The following MCTP2 variants were observed in gnomAD, a reference collection of about 807,000 sequenced individuals.
MCTP2 encodes the protein multiple C2 and transmembrane domain containing 2.
Under a neutral mutation model 111.6 loss-of-function variants are expected in MCTP2, and 132 were observed. The observed-to-expected ratio is 1.18, with a 90% CI of 1.03 to 1.37. The LOEUF (loss-of-function observed/expected upper bound fraction) is 1.37, where lower values mean the gene tolerates loss of function less well. Ranked by LOEUF, MCTP2 falls within the 40% of genes most tolerant of loss-of-function variation. The probability of loss-of-function intolerance (pLI) is 0.00; values close to 1 mark genes in which losing one functional copy is unlikely to be tolerated. For missense variants in MCTP2, 1,183 were observed against 1,067.9 expected, an observed-to-expected ratio of 1.11 and a Z score of -1.50; for synonymous variants, 395 against 387.7, an observed-to-expected ratio of 1.02 and a Z score of -0.22.
In MCTP2 at chr15:94,337,690, C is replaced by CGT. The variant is rs1567459593; in HGVS notation, c.638-1599_638-1598insTG. Among the ~76,000 whole-genome samples, 25 of 151,442 alleles carry CGT rather than the reference C, an allele frequency of 1.7e-4. 1 individual carries two copies. The East Asian group carries it at 3.3e-3, about 20-fold the overall frequency. On this transcript the variant is annotated intron_variant, in intron 4 of 22. Transcript: ENST00000357742. ...CGGTGTGTGTGTGTGTGTGTGCGCG[C>CGT]GCATGCACGCGCGTGTGCATGCCCA...
At chr15:94,337,926 T>G (rs1222092652) in intron 4 of MCTP2, among the ~76,000 whole-genome samples, 1 of 152,206 alleles carries the variant, frequency 6.6e-6, no homozygotes, top group African/African-American at 2.4e-5. Flanking sequence ...TTCGTAGTGA[T>G]GTTAATGTCA....
At chr15:94,415,535 G>T (rs577099743) in intron 17 of MCTP2, among the ~76,000 whole-genome samples, 1 of 151,948 alleles carries the variant, frequency 6.6e-6, no homozygotes, top group Non-Finnish European at 1.5e-5. Flanking sequence ...TAATCCTTTC[G>T]CAGTGCCATA....
intron 17 of MCTP2, among the ~76,000 whole-genome samples, chr15:94,424,568 TCTA>T (rs1485460314): frequency 6.6e-6 from 1 of 152,180 alleles, no homozygotes; most frequent in Non-Finnish European, 1.5e-5. Flanking sequence ...AAGTTTGAGA[TCTA>T]CTGCTCTAGG....
chr15:94,424,315 T>A (rs1596662882), intron 17 of MCTP2, among the ~76,000 whole-genome samples: 1 of 152,062 alleles, frequency 6.6e-6, no homozygotes, highest in Non-Finnish European at 1.5e-5. Context: ...TTTTGTTTTT[T>A]GGGTTTTTTT....
rs755287019 is a variant in MCTP2 at position 94,267,869 on chromosome 15, C to CTTTTTTTTTTTTTTTTTTTTTTT, written c.-65-30318_-65-30317insTTTTTTTTTTTTTTTTTTTTTTT. 1.6e-3 allele frequency among the ~76,000 whole-genome samples: 121 copies of CTTTTTTTTTTTTTTTTTTTTTTT among 77,456 alleles called. 20 individuals carry two copies. The highest frequency in any genetic ancestry group is 0.011 in the Middle Eastern group (1 of 88). The allele number at this position is 77,456 out of a possible 152,430, so 50.8% of individuals were successfully genotyped here. ...GGTCTGGATTACTTTCCTTTTCTTT[C>CTTTTTTTTTTTTTTTTTTTTTTT]TTTTTTTTTTTTTTGAGACAGAGTC... is the stretch of plus-strand genomic sequence containing the variant. On this transcript the variant is annotated intron_variant, in intron 1 of 22. Transcript: ENST00000357742.
chr15:94,349,382 G>A (rs1382510395), intron 8 of MCTP2, among the ~76,000 whole-genome samples: 5 of 152,260 alleles, frequency 3.3e-5, no homozygotes, highest in East Asian at 1.9e-4. Flanking sequence ...ATACACTTGC[G>A]GTAGAACCTG....
rs1194393339 is a variant in MCTP2 at position 94,476,686 on chromosome 15, T to C, written c.2471-10T>C. ...CAGATAAAGAGATCTCCTGTGTTTCTATTTTTCAGGCATAAATAAATTTAC... is the reference window on the plus strand; with the variant it reads ...CAGATAAAGAGATCTCCTGTGTTTCCATTTTTCAGGCATAAATAAATTTAC... On this transcript the variant is annotated splice_polypyrimidine_tract_variant and intron_variant, in intron 21 of 22. Coordinates refer to ENST00000357742, the MANE Select transcript of MCTP2 (RefSeq NM_001385001.1). 2.1e-6 allele frequency: 3 copies of C among 1,424,506 alleles called. No individual in the cohort carries two copies. The highest frequency in any genetic ancestry group is 3.4e-5 in the Admixed American group (2 of 59,680). 88.2% of individuals were successfully genotyped at this position (1,424,506 alleles called of 1,614,324 possible).
rs539503778 is a variant in MCTP2, at chr15:94,455,101, C to T, written c.2251-3036C>T. On this transcript the variant is annotated intron_variant, in intron 19 of 22. Coordinates refer to ENST00000357742, the MANE Select transcript of MCTP2 (RefSeq NM_001385001.1). ...CCTCCCAGAGTACTGGGATTGCAGG[C>T]GTGAGCCACCACTCCCTGCCTAGAT... 5.3e-5 allele frequency among the ~76,000 whole-genome samples: 8 copies of T among 152,298 alleles called. No individual in the cohort carries two copies. In the South Asian group the frequency reaches 1.2e-3, roughly 24 times the overall value.
At chr15:94,457,590 T>G (rs2084915608) in intron 19 of MCTP2, among the ~76,000 whole-genome samples, 3 of 152,166 alleles carry the variant, frequency 2.0e-5, no homozygotes, top group Admixed American at 1.3e-4. Context: ...AGCTGCTTGC[T>G]TTGTTTCTGA....
chr15:94,390,091 T>C (rs59910022), intron 14 of MCTP2, among the ~76,000 whole-genome samples: 851 of 9,418 alleles, frequency 0.09, 56 homozygotes, highest in African/African-American at 0.24. Flanking sequence ...TATATATATG[T>C]ATATATATAT....
At chr15:94,270,154 A>G (rs1342789250) in intron 1 of MCTP2, among the ~76,000 whole-genome samples, 1 of 152,128 alleles carries the variant, frequency 6.6e-6, no homozygotes, top group Non-Finnish European at 1.5e-5. Flanking sequence ...GATGGGGACT[A>G]TGATAGCTGC....
At chr15:94,288,914 C>T (rs568705260) in intron 1 of MCTP2, among the ~76,000 whole-genome samples, 57 of 152,128 alleles carry the variant, frequency 3.7e-4, no homozygotes, top group South Asian at 8.3e-4. Context: ...CAATAGCAGA[C>T]TGGGGATGAC....
intron 21 of MCTP2, among the ~76,000 whole-genome samples, chr15:94,474,656 C>T (rs2074201689): frequency 1.3e-5 from 2 of 152,068 alleles, no homozygotes; most frequent in African/African-American, 4.8e-5. Flanking sequence ...GTCAGGAGTT[C>T]AACACCAGCC....
At chr15:94,281,675 A>AT (rs967091448) in intron 1 of MCTP2, among the ~76,000 whole-genome samples, 1 of 152,018 alleles carries the variant, frequency 6.6e-6, no homozygotes, top group Non-Finnish European at 1.5e-5. Context: ...ACTTCAGTAT[A>AT]TTTTTTTGAT....
At chr15:94,256,765 C>T (rs1279409653) in intron 1 of MCTP2, among the ~76,000 whole-genome samples, 3 of 152,178 alleles carry the variant, frequency 2.0e-5, no homozygotes, top group African/African-American at 7.2e-5. Context: ...TTTGTATTTC[C>T]AGCAATGCTG....
intron 12 of MCTP2, among the ~76,000 whole-genome samples, chr15:94,372,959 A>G (rs2079566000): frequency 6.6e-6 from 1 of 152,242 alleles, no homozygotes; most frequent in African/African-American, 2.4e-5. Flanking sequence ...ATGATGCTTC[A>G]GTTTAGTTTC....
At chr15:94,280,454 G>A (rs1020100782) in intron 1 of MCTP2, among the ~76,000 whole-genome samples, 3 of 148,828 alleles carry the variant, frequency 2.0e-5, no homozygotes, top group African/African-American at 4.9e-5. Flanking sequence ...CGTGGGTAAC[G>A]TCTGCTTTGT....
chr15:94,241,043 T>A (rs2070910471), intron 1 of MCTP2, among the ~76,000 whole-genome samples: 1 of 152,098 alleles, frequency 6.6e-6, no homozygotes, highest in Non-Finnish European at 1.5e-5. Flanking sequence ...ACACGGTGGA[T>A]GTTTTGGTTA....
At chr15:94,305,482 CGG>C (rs1567374326) in intron 2 of MCTP2, among the ~76,000 whole-genome samples, 1 of 151,860 alleles carries the variant, frequency 6.6e-6, no homozygotes. Context: ...CACACACATG[CGG>C]ATATATATAT....
Sources: allele counts gnomAD v4.1 joint callset (sites outside exome capture counted in the v4.1 genomes callset), GRCh38; gene constraint gnomAD v4.1.1; transcripts MANE v1.5; gene names NCBI Gene and HGNC (gene_info 2026-07-23, HGNC 2026-07-21).